Variants in CADM2 observed in about 807,000 individuals in gnomAD.
CADM2 encodes the protein immunoglobulin superfamily member 4D.
Under a neutral mutation model 49.8 loss-of-function variants are expected in CADM2, and 12 were observed. The ratio of observed to expected loss-of-function variants is 0.24; its 90% CI spans 0.15 to 0.39. The LOEUF is 0.39. Ranked by LOEUF, CADM2 falls within the 10% of genes least tolerant of loss-of-function variation. The pLI is 1.00. For missense variants in CADM2, 378 were observed against 492.3 expected (o/e 0.77, Z 2.20); for synonymous variants, 214 against 175.4 (o/e 1.22, Z -1.74).
At chr3:85,343,854 A>T (rs1387162291) in intron 1 of CADM2, among the ~76,000 whole-genome samples, 1 of 152,184 alleles carries the variant, frequency 6.6e-6, no homozygotes. Flanking sequence ...CTTCACTCTC[A>T]TAACTTTTCT....
chr3:86,023,257 C>G (rs1733428455), intron 8 of CADM2, among the ~76,000 whole-genome samples: 1 of 152,230 alleles, frequency 6.6e-6, no homozygotes, highest in Admixed American at 6.5e-5. Flanking sequence ...ACACACTGCC[C>G]TGTAAATTAC....
intron 2 of CADM2, among the ~76,000 whole-genome samples, chr3:85,736,145 G>T (rs537263933): frequency 7.2e-5 from 11 of 152,060 alleles, no homozygotes; most frequent in East Asian, 1.9e-4. Context: ...AAATAAAAAA[G>T]AAAATAAAAT....
intron 1 of CADM2, among the ~76,000 whole-genome samples, chr3:85,454,817 ATT>A (rs1444131758): frequency 6.6e-6 from 1 of 150,526 alleles, no homozygotes; most frequent in African/African-American, 2.4e-5. Context: ...AGAGGGTGAT[ATT>A]AATCAGTAAG....
At chr3:85,886,463 A>T (rs1477232284) in intron 5 of CADM2, 136 bp downstream of exon 5, 3 of 603,310 alleles carry the variant, frequency 5.0e-6, no homozygotes, top group East Asian at 5.7e-5. Context: ...AGATTTACCC[A>T]TTCTTAAGTA....
At chr3:85,601,130 G>GTGTGTGTGTGTATATA (rs1328015269) in intron 1 of CADM2, among the ~76,000 whole-genome samples, 1 of 109,650 alleles carries the variant, frequency 9.1e-6, no homozygotes, top group African/African-American at 4.0e-5. Context: ...ATATATGTGT[G>GTGTGTGTGTGTATATA]TATATATATA....
chr3:85,691,070 G>T (rs1416614092), intron 1 of CADM2, among the ~76,000 whole-genome samples: 1 of 151,992 alleles, frequency 6.6e-6, no homozygotes, highest in African/African-American at 2.4e-5. Context: ...TCCCTACTCT[G>T]CCCTTCCCTC....
In CADM2 at chr3:85,970,059, C is replaced by T. The variant is rs79861225; in HGVS notation, c.970+8412C>T. On this transcript the variant is annotated intron_variant, in intron 8 of 9. Coordinates refer to ENST00000383699, the MANE Select transcript of CADM2 (RefSeq NM_001167675.2). Reference sequence around the variant, plus strand: ...AAAATCAGGGAAATAATTGATATTCCTTGGTCACCAAAATAATAACCTTTA... The same window carrying T: ...AAAATCAGGGAAATAATTGATATTCTTTGGTCACCAAAATAATAACCTTTA... Among the ~76,000 whole-genome samples, 20 of 148,678 alleles carry T rather than the reference C, an allele frequency of 1.3e-4. No individual in the cohort carries two copies. The East Asian group carries it at 4.1e-3, about 30-fold the overall frequency.
chr3:85,684,186 T>C (rs1374547209), intron 1 of CADM2, among the ~76,000 whole-genome samples: 2 of 152,220 alleles, frequency 1.3e-5, no homozygotes, highest in African/African-American at 2.4e-5. Context: ...TGCTCAAGTC[T>C]CCTACCTTGA....
intron 2 of CADM2, among the ~76,000 whole-genome samples, chr3:85,765,410 T>G (rs1332760268): frequency 6.6e-6 from 1 of 152,102 alleles, no homozygotes. Flanking sequence ...TTTCAAAATT[T>G]ATTTTTAGTT....
chr3:85,836,190 A>T (rs895435818), intron 3 of CADM2, among the ~76,000 whole-genome samples: 2 of 151,566 alleles, frequency 1.3e-5, no homozygotes, highest in Non-Finnish European at 3.0e-5. Context: ...AGGAAAAAAA[A>T]CCTACCTTAA....
chr3:85,744,274 G>A (rs1307499709), intron 2 of CADM2, among the ~76,000 whole-genome samples: 1 of 152,010 alleles, frequency 6.6e-6, no homozygotes, highest in Non-Finnish European at 1.5e-5. Context: ...TAGTTACAAA[G>A]AATGAATAAG....
chr3:85,726,054 T>G (rs1264313220), intron 1 of CADM2, among the ~76,000 whole-genome samples: 3 of 152,036 alleles, frequency 2.0e-5, no homozygotes, highest in African/African-American at 7.2e-5. Flanking sequence ...GTTGTCATTA[T>G]TAAGTGGTAG....
In CADM2 at chr3:85,891,977, G is replaced by C. The variant is rs189568333; in HGVS notation, c.529+5650G>C. ...TAAGCCATTAAACTTACAGTAATGT[G>C]TTACACAGCAGTATTAGGAAACTGA... is the stretch of plus-strand genomic sequence containing the variant. On this transcript the variant is annotated intron_variant, in intron 5 of 9. Transcript: ENST00000383699. Among the ~76,000 whole-genome samples, 208 of 152,300 alleles carry C rather than the reference G, an allele frequency of 1.4e-3. 2 individuals carry two copies. The highest frequency in any genetic ancestry group is 4.8e-3 in the African/African-American group (199 of 41,568).
chr3:85,855,687 CAT>C lies in CADM2; in HGVS notation c.239-27603_239-27602del, dbSNP rs1577484781. On this transcript the variant is annotated intron_variant, in intron 3 of 9. Transcript: ENST00000383699. The stretch of plus-strand genomic sequence containing the variant: ...TGTTGCCTAGGCTGGAGTGCAGTGG[CAT>C]TATCTCAGCTCACTGCAAGCTCCGC... Among the ~76,000 whole-genome samples, 4 of 149,242 alleles carry C rather than the reference CAT, an allele frequency of 2.7e-5. No homozygotes were observed. The East Asian group carries it at 7.8e-4, about 29-fold the overall frequency.
chr3:85,363,422 T>C (rs577187096), intron 1 of CADM2, among the ~76,000 whole-genome samples: 16 of 152,266 alleles, frequency 1.1e-4, no homozygotes, highest in Admixed American at 1.0e-3. Context: ...TAGCATTTCC[T>C]GTTGAGCTGA....
chr3:85,342,232 C>T (rs1041692381), intron 1 of CADM2, among the ~76,000 whole-genome samples: 1 of 152,092 alleles, frequency 6.6e-6, no homozygotes, highest in African/African-American at 2.4e-5. Flanking sequence ...CAAAAGAAGA[C>T]ATTTATGCAG....
intron 1 of CADM2, among the ~76,000 whole-genome samples, chr3:85,357,088 T>C (rs2031925098): frequency 6.6e-6 from 1 of 152,122 alleles, no homozygotes; most frequent in African/African-American, 2.4e-5. Flanking sequence ...TATTCTTGTT[T>C]TATAAAAACT....
chr3:85,827,134 A>C (rs541976117), intron 3 of CADM2, among the ~76,000 whole-genome samples: 1 of 152,074 alleles, frequency 6.6e-6, no homozygotes, highest in South Asian at 2.1e-4. Context: ...CCTTAAAGAG[A>C]GGGTATTAAG....
intron 1 of CADM2, among the ~76,000 whole-genome samples, chr3:85,583,878 A>C (rs1391359200): frequency 6.6e-6 from 1 of 152,034 alleles, no homozygotes; most frequent in East Asian, 1.9e-4. Context: ...GAAATATTGC[A>C]ATTTTGAAAT....
Sources: allele counts gnomAD v4.1 joint callset (sites outside exome capture counted in the v4.1 genomes callset), GRCh38; gene constraint gnomAD v4.1.1; transcripts MANE v1.5; gene names NCBI Gene and HGNC (gene_info 2026-07-23, HGNC 2026-07-21).